Variants in SYCP2L observed in about 807,000 individuals in gnomAD.
The protein encoded by SYCP2L is synaptonemal complex protein 2-like.
Under a neutral mutation model 125.8 loss-of-function variants are expected in SYCP2L, and 98 were observed. That is an observed-to-expected ratio of 0.78 (90% CI 0.66 to 0.92). The LOEUF (loss-of-function observed/expected upper bound fraction) is 0.92, where lower values mean the gene tolerates loss of function less well. Ranked by LOEUF, SYCP2L falls within the 40% of genes least tolerant of loss-of-function variation. The pLI, the probability that SYCP2L is intolerant of heterozygous loss-of-function variation, is 0.00. For missense variants in SYCP2L, 842 were observed against 936.4 expected, an observed-to-expected ratio of 0.90 and a Z score of 1.32; for synonymous variants, 317 against 325.4, an observed-to-expected ratio of 0.97 and a Z score of 0.28.
chr6:10,924,400 G>A (rs1780862086), intron 14 of SYCP2L, 96 bp from the exon 15 acceptor site: 1 of 1,034,540 alleles, frequency 9.7e-7, no homozygotes, highest in Non-Finnish European at 1.3e-6. Flanking sequence ...GAAAAATCTG[G>A]ACAAATACCC....
intron 25 of SYCP2L, among the ~76,000 whole-genome samples, chr6:10,957,247 T>G (rs530304615): frequency 1.3e-5 from 2 of 152,366 alleles, no homozygotes; most frequent in African/African-American, 4.8e-5. Flanking sequence ...GTTGTTGACC[T>G]TCATATGTGA....
At chr6:10,968,157 C>T (rs1401427853) in intron 29 of SYCP2L, among the ~76,000 whole-genome samples, 1 of 151,968 alleles carries the variant, frequency 6.6e-6, no homozygotes. Flanking sequence ...GGTGAAAGGC[C>T]AGGAAGATGT....
intron 29 of SYCP2L, among the ~76,000 whole-genome samples, chr6:10,964,200 G>T (rs560304571): frequency 6.6e-6 from 1 of 152,122 alleles, no homozygotes; most frequent in Admixed American, 6.5e-5. Flanking sequence ...CATGTGATCC[G>T]CCTGTCCTGG....
At chr6:10,938,033 G>GGTT (rs1167786604) in intron 21 of SYCP2L, among the ~76,000 whole-genome samples, 4 of 152,112 alleles carry the variant, frequency 2.6e-5, no homozygotes, top group Non-Finnish European at 5.9e-5. Context: ...AAAAACTGAG[G>GGTT]TGGACAGAAC....
In SYCP2L at chr6:10,888,726, G is replaced by T. The variant is rs538321362; in HGVS notation, c.9+1591G>T. 1.8e-4 allele frequency among the ~76,000 whole-genome samples: 27 copies of T among 152,280 alleles called. 1 individual carries two copies. The highest frequency in any genetic ancestry group is 5.8e-4 in the African/African-American group (24 of 41,564). On this transcript the variant is annotated intron_variant, in intron 1 of 29. Coordinates refer to ENST00000283141, the MANE Select transcript of SYCP2L (RefSeq NM_001040274.3). ...GTCTATAGAGAAAAGAGGTAAAGAA[G>T]CTTAACATAAAGGCTCCCGGGAATA... is the stretch of plus-strand genomic sequence containing the variant.
chr6:10,888,051 T>G (rs899585069), intron 1 of SYCP2L, among the ~76,000 whole-genome samples: 3 of 138,880 alleles, frequency 2.2e-5, no homozygotes, highest in Non-Finnish European at 4.6e-5. Context: ...AATCCTTCCA[T>G]ATAGGTGTTA....
At chr6:10,965,734 T>A (rs1266763594) in intron 29 of SYCP2L, among the ~76,000 whole-genome samples, 1 of 152,202 alleles carries the variant, frequency 6.6e-6, no homozygotes, top group Non-Finnish European at 1.5e-5. Context: ...GATTAAACAT[T>A]TCCTAATTTT....
At chr6:10,931,391 G>A (rs765889094) in intron 19 of SYCP2L, 49 bp from the exon 20 acceptor site, 2 of 1,589,542 alleles carry the variant, frequency 1.3e-6, no homozygotes, top group Non-Finnish European at 1.7e-6. Context: ...GAATTTTTAT[G>A]CCTCATGAGT....
At chr6:10,903,479 T>C (rs993165200) in intron 8 of SYCP2L, among the ~76,000 whole-genome samples, 3 of 150,698 alleles carry the variant, frequency 2.0e-5, no homozygotes, top group Non-Finnish European at 3.0e-5. Flanking sequence ...ACCTGGGAGG[T>C]GGAGCTTGCA....
chr6:10,967,541 A>T (rs1016000614), intron 29 of SYCP2L, among the ~76,000 whole-genome samples: 2 of 151,264 alleles, frequency 1.3e-5, no homozygotes, highest in Admixed American at 1.3e-4. Context: ...GATGGATATC[A>T]TACATGCAAG....
At chr6:10,899,826 G>C (rs575805277) in intron 6 of SYCP2L, among the ~76,000 whole-genome samples, 54 of 152,238 alleles carry the variant, frequency 3.5e-4, no homozygotes, top group South Asian at 6.2e-4. Context: ...CAAGTCAGTG[G>C]TTCCAAACAT....
At chr6:10,930,960 C>T (rs1780987637) in intron 19 of SYCP2L, among the ~76,000 whole-genome samples, 1 of 152,130 alleles carries the variant, frequency 6.6e-6, no homozygotes, top group Admixed American at 6.5e-5. Flanking sequence ...GTTGTTTGAG[C>T]CCAGGAGTTT....
chr6:10,898,817 T>G lies in SYCP2L; in HGVS notation c.442-7T>G, dbSNP rs376020588. On this transcript the variant is annotated splice_region_variant and splice_polypyrimidine_tract_variant and intron_variant, in intron 5 of 29. Coordinates refer to ENST00000283141, the MANE Select transcript of SYCP2L (RefSeq NM_001040274.3). The stretch of plus-strand genomic sequence containing the variant: ...TATGAGCTTTACTTTTTCTTTCTTT[T>G]TGTTAGATTATTTCCAGGAGTAGTA... 8 of 1,392,440 alleles carry G rather than the reference T, an allele frequency of 5.7e-6. No homozygotes were observed. Among genetic ancestry groups the G allele is most frequent in the Non-Finnish European group, 8.1e-6 (8 of 984,404 alleles). 86.3% of individuals were successfully genotyped at this position (1,392,440 alleles called of 1,614,324 possible). A position where few individuals can be genotyped will look rare whatever the true frequency, so the allele number is the denominator to read the frequency against.
At chr6:10,915,228 T>G (rs1159020051) in intron 14 of SYCP2L, among the ~76,000 whole-genome samples, 2 of 152,196 alleles carry the variant, frequency 1.3e-5, no homozygotes, top group African/African-American at 4.8e-5. Context: ...GGAGGAATCT[T>G]TAGAGTTTTC....
intron 23 of SYCP2L, among the ~76,000 whole-genome samples, chr6:10,943,007 A>T (rs890351773): frequency 2.0e-5 from 3 of 152,168 alleles, no homozygotes; most frequent in African/African-American, 7.2e-5. Flanking sequence ...CCCACCAGCC[A>T]GTCACACCTT....
Position 10,905,299 on chromosome 6 carries a change from AT to A in SYCP2L, c.642-711del, listed in dbSNP as rs560033349. Among the ~76,000 whole-genome samples, 432 of 148,598 alleles carry A rather than the reference AT, an allele frequency of 2.9e-3. 4 individuals are homozygous for A. The highest frequency in any genetic ancestry group is 0.01 in the African/African-American group (411 of 40,686). Reference sequence around the variant, plus strand: ...TCTCTAAATTATTATTATTATTACCATTTTTTTTTTGAGTCGGAGTTTCACT... The same window carrying A: ...TCTCTAAATTATTATTATTATTACCATTTTTTTTTGAGTCGGAGTTTCACT... On this transcript the variant is annotated intron_variant, in intron 8 of 29. Coordinates refer to ENST00000283141, the MANE Select transcript of SYCP2L (RefSeq NM_001040274.3).
Position 10,942,668 on chromosome 6 carries a change from G to GT in SYCP2L, c.1885-4dup. ...AAGGACGTAATTTGTGGTCTGTTTT[G>GT]TTTTTAAGATTGTGAACCAAGAATC... On this transcript the variant is annotated splice_polypyrimidine_tract_variant and intron_variant, in intron 22 of 29. Transcript: ENST00000283141. 3.1e-6 allele frequency: 5 copies of GT among 1,612,510 alleles called. No homozygotes were observed. The highest frequency in any genetic ancestry group is 2.5e-6 in the Non-Finnish European group (3 of 1,179,528).
chr6:10,931,144 T>G (rs1279657554), intron 19 of SYCP2L, among the ~76,000 whole-genome samples: 1 of 152,128 alleles, frequency 6.6e-6, no homozygotes, highest in Non-Finnish European at 1.5e-5. Context: ...GCACTGCAGC[T>G]CAGGCGACAG....
In SYCP2L at chr6:10,897,991, G is replaced by A. The variant is rs1459800766; in HGVS notation, c.337-20G>A. On this transcript the variant is annotated intron_variant, in intron 4 of 29. Coordinates refer to ENST00000283141, the MANE Select transcript of SYCP2L (RefSeq NM_001040274.3). ...GCAGCATTTAGTCTTATGTAGTTAC[G>A]TTAGTGTCCTCCTGTGTACCTAGTT... 3.9e-6 allele frequency: 6 copies of A among 1,543,308 alleles called. No individual in the cohort carries two copies. Among genetic ancestry groups the A allele is most frequent in the African/African-American group, 2.7e-5 (2 of 73,578 alleles).
Sources: gnomAD v4.1 joint callset for allele counts (sites outside exome capture counted in the v4.1 genomes callset) on GRCh38, gnomAD v4.1.1 for gene constraint, MANE v1.5 for transcripts, NCBI Gene and HGNC (gene_info 2026-07-23, HGNC 2026-07-21) for gene names.